Variants in PCDH15 observed in about 807,000 individuals in gnomAD.
PCDH15 encodes protocadherin related 15, also known as protocadherin-15.
In PCDH15, 129 loss-of-function variants were observed where a neutral mutation model predicts 178.5. The ratio of observed to expected loss-of-function variants is 0.72; its 90% CI spans 0.63 to 0.84. PCDH15 has a LOEUF of 0.84. Among genes scored for constraint, PCDH15 ranks in the 40% least tolerant of loss-of-function variants. PCDH15 has a pLI of 0.00. For synonymous variants in PCDH15, 800 were observed against 732.0 expected, an observed-to-expected ratio of 1.09 and a Z score of -1.50; for missense variants, 2,230 against 2,099.9, an observed-to-expected ratio of 1.06 and a Z score of -1.21.
chr10:54,419,848 G>A (rs1227711529), intron 3 of PCDH15, among the ~76,000 whole-genome samples: 1 of 151,956 alleles, frequency 6.6e-6, no homozygotes, highest in African/African-American at 2.4e-5. Flanking sequence ...TTACTACAAA[G>A]CTTAGGAAGA....
At chr10:54,857,806 T>C (rs1471964592) in intron 3 of PCDH15, among the ~76,000 whole-genome samples, 1 of 152,150 alleles carries the variant, frequency 6.6e-6, no homozygotes, top group East Asian at 1.9e-4. Flanking sequence ...TAGTGCATGC[T>C]TGCTATTCCT....
chr10:55,070,244 T>A (rs1421624228), intron 2 of PCDH15, among the ~76,000 whole-genome samples: 2 of 152,196 alleles, frequency 1.3e-5, no homozygotes, highest in Non-Finnish European at 2.9e-5. Context: ...TTCACTCTGA[T>A]GGTAGTTTCT....
chr10:54,616,256 A>G (rs952174974), intron 2 of PCDH15, among the ~76,000 whole-genome samples: 2 of 152,092 alleles, frequency 1.3e-5, no homozygotes, highest in African/African-American at 4.8e-5. Context: ...AGCTCTGCAA[A>G]AACTATAGAA....
rs149899886 is a variant in PCDH15, at chr10:54,640,214, A to C, written c.91+23958T>G. 8.7e-4 allele frequency among the ~76,000 whole-genome samples: 132 copies of C among 152,328 alleles called. 1 individual carries two copies. In the East Asian group the frequency reaches 0.024, roughly 28 times the overall value. On this transcript the variant is annotated intron_variant, in intron 2 of 37. Transcript: ENST00000644397. ...ATAATAAAGTTATTTTGCATATTTA[A>C]ACATAATTTCTTTAACAGGAAAACA...
intron 3 of PCDH15, among the ~76,000 whole-genome samples, chr10:54,481,430 C>G (rs9299552): frequency 6.6e-6 from 1 of 151,408 alleles, no homozygotes; most frequent in East Asian, 1.9e-4. Flanking sequence ...TGTTTGTGTA[C>G]ATACTCTTGT....
intron 26 of PCDH15, among the ~76,000 whole-genome samples, chr10:53,888,138 C>T (rs995920505): frequency 6.6e-5 from 10 of 150,916 alleles, no homozygotes; most frequent in African/African-American, 2.4e-4. Context: ...CCCACTCATG[C>T]AGTTTTTCTT....
chr10:54,402,185 G>T (rs1021435030), intron 3 of PCDH15, among the ~76,000 whole-genome samples: 3 of 151,694 alleles, frequency 2.0e-5, no homozygotes, highest in African/African-American at 7.3e-5. Flanking sequence ...ACGTGTTCAA[G>T]ATAAAAAATA....
chr10:54,307,142 ATATATAT>A (rs2060609144), intron 8 of PCDH15, among the ~76,000 whole-genome samples: 3 of 96,036 alleles, frequency 3.1e-5, no homozygotes, highest in African/African-American at 1.1e-4. Context: ...ATATATATAT[ATATATAT>A]AAAATTGCTT....
intron 2 of PCDH15, among the ~76,000 whole-genome samples, chr10:55,404,776 A>G (rs1838158253): frequency 6.6e-6 from 1 of 151,832 alleles, no homozygotes; most frequent in Admixed American, 6.6e-5. Context: ...AGAATTTTAT[A>G]TAAATAATAT....
intron 2 of PCDH15, among the ~76,000 whole-genome samples, chr10:55,147,781 T>A (rs2799599): frequency 0.53 from 80,101 of 150,586 alleles, 21,640 homozygotes; most frequent in South Asian, 0.65. Flanking sequence ...TATTTAGCAT[T>A]AGGTATATCT....
At chr10:54,495,075 A>T (rs1393778672) in intron 3 of PCDH15, among the ~76,000 whole-genome samples, 1 of 152,146 alleles carries the variant, frequency 6.6e-6, no homozygotes, top group Non-Finnish European at 1.5e-5. Flanking sequence ...TTCAAAATTC[A>T]AATGTCATGG....
rs1332853008 is a variant in PCDH15, at chr10:53,811,543, A to T, written c.4562+6T>A. On this transcript the variant is annotated splice_donor_region_variant and intron_variant, in intron 36 of 37. Transcript: ENST00000644397. ...GAATCTGAATTTTAAAAATCTGAAG[A>T]TGTACCCATGCTCATAACTGTAATA... 1 of 1,501,280 alleles carries T rather than the reference A, an allele frequency of 6.7e-7. No individual in the cohort carries two copies. The highest frequency in any genetic ancestry group is 9.0e-7 in the Non-Finnish European group (1 of 1,113,124). 93.0% of individuals were successfully genotyped at this position (1,501,280 alleles called of 1,614,324 possible). A position where few individuals can be genotyped will look rare whatever the true frequency, so the allele number is the denominator to read the frequency against.
intron 2 of PCDH15, among the ~76,000 whole-genome samples, chr10:55,512,163 G>A (rs1840899018): frequency 6.6e-6 from 1 of 152,032 alleles, no homozygotes; most frequent in South Asian, 2.1e-4. Flanking sequence ...TCAAAATGGT[G>A]TTTATGAGAA....
intron 7 of PCDH15, among the ~76,000 whole-genome samples, chr10:54,325,396 A>G (rs1415558623): frequency 6.6e-6 from 1 of 152,116 alleles, no homozygotes. Context: ...TTATGACTTC[A>G]AGATAATATA....
intron 2 of PCDH15, among the ~76,000 whole-genome samples, chr10:55,497,197 A>G (rs781488593): frequency 1.6e-4 from 24 of 151,886 alleles, no homozygotes; most frequent in Non-Finnish European, 2.1e-4. Context: ...TGCTGCAATC[A>G]TCACTGGCTG....
chr10:53,954,463 C>T (rs186648775), intron 23 of PCDH15, among the ~76,000 whole-genome samples: 2 of 152,292 alleles, frequency 1.3e-5, no homozygotes, highest in Admixed American at 6.5e-5. Flanking sequence ...TACTGAAAAA[C>T]GTATGCCAAA....
intron 2 of PCDH15, among the ~76,000 whole-genome samples, chr10:55,405,779 CATGCCATT>C (rs1242626020): frequency 6.6e-6 from 1 of 151,754 alleles, no homozygotes; most frequent in Non-Finnish European, 1.5e-5. Context: ...CTGAGAATTC[CATGCCATT>C]ATGGAGCTCC....
At chr10:54,986,596 C>T (rs1176032884) in intron 2 of PCDH15, among the ~76,000 whole-genome samples, 3 of 151,996 alleles carry the variant, frequency 2.0e-5, no homozygotes, top group Admixed American at 6.6e-5. Flanking sequence ...TGATTATCTC[C>T]ATTATAAAGG....
chr10:55,123,806 T>G (rs1027823857), intron 2 of PCDH15, among the ~76,000 whole-genome samples: 5 of 152,150 alleles, frequency 3.3e-5, no homozygotes, highest in African/African-American at 7.2e-5. Context: ...GGGCTCCTGC[T>G]CTCCATTTGT....
Sources: gnomAD v4.1 joint callset for allele counts (sites outside exome capture counted in the v4.1 genomes callset) on GRCh38, gnomAD v4.1.1 for gene constraint, MANE v1.5 for transcripts, NCBI Gene and HGNC (gene_info 2026-07-23, HGNC 2026-07-21) for gene names.